The following DNAI4 variants were observed in gnomAD, a reference collection of about 807,000 sequenced individuals.
The protein encoded by DNAI4 is WD repeat domain 78.
In DNAI4, 85 loss-of-function variants were observed where a neutral mutation model predicts 105.8. That is an observed-to-expected ratio of 0.80 (90% CI 0.67 to 0.96). DNAI4 has a LOEUF of 0.96. Ranked by LOEUF, DNAI4 falls within the 40% of genes least tolerant of loss-of-function variation. The pLI is 0.00. For missense variants in DNAI4, 1,014 were observed against 1,005.6 expected, an observed-to-expected ratio of 1.01 and a Z score of -0.11; for synonymous variants, 352 against 331.5, an observed-to-expected ratio of 1.06 and a Z score of -0.67.
chr1:66,877,784 T>A (rs974439978), intron 4 of DNAI4, among the ~76,000 whole-genome samples: 1 of 152,206 alleles, frequency 6.6e-6, no homozygotes, highest in African/African-American at 2.4e-5. Context: ...TTGATGACTT[T>A]GAGAGTTTTG....
chr1:66,862,679 A>T (rs948695863), intron 6 of DNAI4, among the ~76,000 whole-genome samples: 3 of 152,258 alleles, frequency 2.0e-5, no homozygotes, highest in Non-Finnish European at 4.4e-5. Flanking sequence ...GGATACCTCA[A>T]GAGATCCTTA....
intron 4 of DNAI4, among the ~76,000 whole-genome samples, chr1:66,887,570 A>G (rs1925403): frequency 0.17 from 25,276 of 152,100 alleles, 2,523 homozygotes; most frequent in African/African-American, 0.29. Context: ...GTTGTTAAAC[A>G]TAGACATTAC....
At chr1:66,830,975 A>T in intron 13 of DNAI4, among the ~76,000 whole-genome samples, 1 of 119,612 alleles carries the variant, frequency 8.4e-6, no homozygotes, top group African/African-American at 2.8e-5. Context: ...AGACTCTGTC[A>T]CAAAAAAAAA....
intron 15 of DNAI4, among the ~76,000 whole-genome samples, chr1:66,826,254 AT>A (rs1396776037): frequency 6.6e-6 from 1 of 150,716 alleles, no homozygotes; most frequent in East Asian, 1.9e-4. Flanking sequence ...TATATCCTAT[AT>A]CGTCCTATAA....
chr1:66,847,781 TC>T, intron 7 of DNAI4, 103 bp from the exon 8 acceptor site: 1 of 972,106 alleles, frequency 1.0e-6, no homozygotes, highest in Non-Finnish European at 1.5e-6. Flanking sequence ...TTTATTTTCC[TC>T]CAGTTTCCAA....
chr1:66,873,268 G>T (rs1646888650), intron 5 of DNAI4, among the ~76,000 whole-genome samples: 1 of 142,080 alleles, frequency 7.0e-6, no homozygotes, highest in Non-Finnish European at 1.5e-5. Context: ...TGGTCACATG[G>T]TCTCTCTCGG....
chr1:66,871,265 T>A, intron 6 of DNAI4, 105 bp downstream of exon 6: 1 of 1,099,612 alleles, frequency 9.1e-7, no homozygotes, highest in Non-Finnish European at 1.2e-6. Context: ...GGCCAAATTA[T>A]TTTTATTTTT....
rs1194142595 is a variant in DNAI4, at chr1:66,835,732, C to T, written c.1627G>A (p.Asp543Asn). The change falls in exon 11 of 17, where the codon GAT (aspartate) becomes AAT (asparagine). Residue 543 changes from aspartate to asparagine, a missense_variant. Physicochemically the swap from Asp to Asn is conservative, Grantham distance 23. Coordinates refer to ENST00000371026, the MANE Select transcript of DNAI4 (RefSeq NM_024763.5). ...AGGTTAGGTGCTCCAATTGAAAAAT[C>T]CACAGCAGTAACTCCATATGGACTC... Reference protein sequence around the residue: ...YQSPYGVTAVDFSIGAPNLLA... With the variant: ...YQSPYGVTAVNFSIGAPNLLA... 1.9e-6 allele frequency: 3 copies of T among 1,613,982 alleles called. No homozygotes were observed. Among genetic ancestry groups the T allele is most frequent in the Non-Finnish European group, 2.5e-6 (3 of 1,179,996 alleles).
intron 13 of DNAI4, 69 bp downstream of exon 13, chr1:66,833,516 T>C: frequency 1.3e-6 from 2 of 1,549,056 alleles, no homozygotes; most frequent in East Asian, 4.5e-5. Flanking sequence ...GGTCTTGTTT[T>C]ATGACTTAAT....
chr1:66,915,860 C>T (rs186088466), intron 1 of DNAI4, among the ~76,000 whole-genome samples: 2 of 152,178 alleles, frequency 1.3e-5, no homozygotes, highest in East Asian at 1.9e-4. Context: ...CAGTGGCTCA[C>T]GTCTGTAATC....
intron 16 of DNAI4, among the ~76,000 whole-genome samples, chr1:66,818,049 A>G (rs1446997439): frequency 6.6e-6 from 1 of 152,198 alleles, no homozygotes; most frequent in Non-Finnish European, 1.5e-5. Flanking sequence ...GATGCAGCAA[A>G]TGAAACAGAT....
intron 1 of DNAI4, among the ~76,000 whole-genome samples, chr1:66,910,479 T>C (rs2985810): frequency 0.78 from 118,635 of 152,166 alleles, 46,597 homozygotes; most frequent in East Asian, 0.88. Context: ...GTTTCCTTTG[T>C]CTGAAATGCT....
chr1:66,897,287 G>C (rs1648414572), intron 2 of DNAI4, among the ~76,000 whole-genome samples: 1 of 152,186 alleles, frequency 6.6e-6, no homozygotes, highest in African/African-American at 2.4e-5. Flanking sequence ...AAGTGTTCAA[G>C]ATGCTGCATG....
rs563748853 is a variant in DNAI4 at position 66,912,550 on chromosome 1, GT to G, written c.171-7176del. Among the ~76,000 whole-genome samples, 19 of 152,128 alleles carry G rather than the reference GT, an allele frequency of 1.2e-4. No homozygotes were observed. In the East Asian group the frequency reaches 3.5e-3, roughly 28 times the overall value. On this transcript the variant is annotated intron_variant, in intron 1 of 16. Coordinates refer to ENST00000371026, the MANE Select transcript of DNAI4 (RefSeq NM_024763.5). The stretch of plus-strand genomic sequence containing the variant: ...CCTGGAAGCCTTCTCTCTGCTTCAA[GT>G]TGTTCCACCTTTCTGGATGGAACCA...
chr1:66,854,692 T>G (rs1307848809), intron 7 of DNAI4, among the ~76,000 whole-genome samples: 1 of 151,996 alleles, frequency 6.6e-6, no homozygotes, highest in East Asian at 1.9e-4. Context: ...ATCCCAGCTA[T>G]TCGGGAGCTG....
intron 8 of DNAI4, among the ~76,000 whole-genome samples, chr1:66,840,985 T>C (rs1646137639): frequency 6.6e-6 from 1 of 152,222 alleles, no homozygotes; most frequent in Non-Finnish European, 1.5e-5. Flanking sequence ...TTCTTTTCTG[T>C]TGTAAAAGGT....
intron 2 of DNAI4, among the ~76,000 whole-genome samples, chr1:66,903,856 G>A (rs1311444116): frequency 6.6e-6 from 1 of 152,106 alleles, no homozygotes; most frequent in East Asian, 1.9e-4. Context: ...CTACTATGTT[G>A]AAGAGAAGTG....
At chr1:66,815,496 T>C (rs1645497291) in intron 16 of DNAI4, among the ~76,000 whole-genome samples, 1 of 152,208 alleles carries the variant, frequency 6.6e-6, no homozygotes, top group Non-Finnish European at 1.5e-5. Context: ...TTTTTGAATA[T>C]TTCAGTTATC....
chr1:66,827,980 T>C, intron 13 of DNAI4, 70 bp from the exon 14 acceptor site: 1 of 960,032 alleles, frequency 1.0e-6, no homozygotes, highest in Non-Finnish European at 1.6e-6. Context: ...GAAGATTAGA[T>C]ATTTCTGGAT....
Sources: allele counts gnomAD v4.1 joint callset (sites outside exome capture counted in the v4.1 genomes callset), GRCh38; gene constraint gnomAD v4.1.1; transcripts MANE v1.5; gene names NCBI Gene and HGNC (gene_info 2026-07-23, HGNC 2026-07-21).